The following PBX3 variants were observed in gnomAD, a reference collection of about 807,000 sequenced individuals.
PBX3 encodes PBX homeobox 3.
Under a neutral mutation model 48.5 loss-of-function variants are expected in PBX3, and 14 were observed. The observed-to-expected ratio is 0.29, with a 90% CI of 0.19 to 0.45. The LOEUF is 0.45. Ranked by LOEUF, PBX3 falls within the 20% of genes least tolerant of loss-of-function variation. The probability of loss-of-function intolerance (pLI) is 1.00; values close to 1 mark genes in which losing one functional copy is unlikely to be tolerated. For synonymous variants in PBX3, 210 were observed against 200.3 expected (o/e 1.05, Z -0.41); for missense variants, 386 against 546.7 (o/e 0.71, Z 2.93).
intron 2 of PBX3, among the ~76,000 whole-genome samples, chr9:125,817,742 T>G (rs1398192123): frequency 6.6e-6 from 1 of 152,250 alleles, no homozygotes; most frequent in African/African-American, 2.4e-5. Flanking sequence ...TTATTTTTTT[T>G]GTCCTACAAA....
At chr9:125,955,729 C>T (rs1216752010) in intron 5 of PBX3, among the ~76,000 whole-genome samples, 2 of 152,238 alleles carry the variant, frequency 1.3e-5, no homozygotes, top group Non-Finnish European at 2.9e-5. Context: ...GCTGGGATAT[C>T]TCTTCCTCCA....
At chr9:125,776,700 C>T (rs890804093) in intron 2 of PBX3, among the ~76,000 whole-genome samples, 1 of 152,084 alleles carries the variant, frequency 6.6e-6, no homozygotes, top group Non-Finnish European at 1.5e-5. Context: ...GCCACCATGC[C>T]TGGCTAATTT....
intron 3 of PBX3, among the ~76,000 whole-genome samples, chr9:125,923,185 A>G (rs180938626): frequency 1.3e-5 from 2 of 152,340 alleles, no homozygotes; most frequent in East Asian, 1.9e-4. Flanking sequence ...TTTTTCTTAT[A>G]TAAGTCTTTG....
rs574603467 is a variant in PBX3 at position 125,806,412 on chromosome 9, G to A, written c.274+57789G>A. ...TTCTTTTTCACAGTTCTGGAGGATGGGAGGTTCACGATCAAGATGCTGCCA... is the reference window on the plus strand; with the variant it reads ...TTCTTTTTCACAGTTCTGGAGGATGAGAGGTTCACGATCAAGATGCTGCCA... On this transcript the variant is annotated intron_variant, in intron 2 of 8. Transcript: ENST00000373489. Among the ~76,000 whole-genome samples the A allele has an allele frequency of 2.2e-3, 333 of 152,300 alleles. 1 individual carries two copies. The highest frequency in any genetic ancestry group is 7.6e-3 in the African/African-American group (316 of 41,560).
chr9:125,920,874 T>A (rs950132095), intron 3 of PBX3, among the ~76,000 whole-genome samples: 1 of 152,172 alleles, frequency 6.6e-6, no homozygotes, highest in African/African-American at 2.4e-5. Context: ...GGAGAATGGG[T>A]GAAAATTTAA....
intron 2 of PBX3, among the ~76,000 whole-genome samples, chr9:125,810,831 G>A (rs1188626953): frequency 1.3e-5 from 2 of 152,156 alleles, no homozygotes; most frequent in Non-Finnish European, 2.9e-5. Context: ...GGAAGAACTG[G>A]CAGAGAGATA....
intron 2 of PBX3, among the ~76,000 whole-genome samples, chr9:125,803,999 G>A (rs1838045661): frequency 2.0e-5 from 3 of 152,060 alleles, no homozygotes; most frequent in Admixed American, 2.0e-4. Context: ...CTGACTTTGG[G>A]GTCTTTATCT....
intron 2 of PBX3, among the ~76,000 whole-genome samples, chr9:125,775,868 G>T (rs534560602): frequency 6.6e-6 from 1 of 152,256 alleles, no homozygotes; most frequent in East Asian, 1.9e-4. Flanking sequence ...ATGAACATTG[G>T]ATGTCTTTAC....
chr9:125,917,908 G>A (rs767845085), intron 3 of PBX3, among the ~76,000 whole-genome samples: 30 of 152,036 alleles, frequency 2.0e-4, no homozygotes, highest in Admixed American at 3.9e-4. Flanking sequence ...AAAAATTATC[G>A]TGTGTATGTA....
At chr9:125,777,909 A>G (rs1046326863) in intron 2 of PBX3, among the ~76,000 whole-genome samples, 7 of 151,122 alleles carry the variant, frequency 4.6e-5, no homozygotes, top group Admixed American at 3.3e-4. Context: ...TATTTCTGTA[A>G]GGTTGGTGGG....
rs10543594 is a variant in PBX3 at position 125,967,088 on chromosome 9, C to CA, written c.*1181dup. On this transcript the variant is annotated 3_prime_UTR_variant, in exon 9 of 9. Coordinates refer to ENST00000373489, the MANE Select transcript of PBX3 (RefSeq NM_006195.6). ...TTCTTCATCTTATTACTAATCCATG[C>CA]AAAAAAAAAAAAAAAAGCAGCGACT... 623 of 117,400 alleles carry CA rather than the reference C, an allele frequency of 5.3e-3. 6 individuals are homozygous for CA. The highest frequency in any genetic ancestry group is 0.048 in the East Asian group (200 of 4,126). 7.3% of individuals were successfully genotyped at this position (117,400 alleles called of 1,614,324 possible).
intron 2 of PBX3, among the ~76,000 whole-genome samples, chr9:125,785,868 C>G (rs1837444006): frequency 6.6e-6 from 1 of 152,022 alleles, no homozygotes; most frequent in African/African-American, 2.4e-5. Context: ...TGCCACTAAA[C>G]CAGGTTGGGA....
intron 2 of PBX3, among the ~76,000 whole-genome samples, chr9:125,830,952 A>G (rs1838944894): frequency 6.6e-6 from 1 of 152,198 alleles, no homozygotes; most frequent in Non-Finnish European, 1.5e-5. Context: ...TATAACCACC[A>G]GTCAGCTTTA....
intron 2 of PBX3, among the ~76,000 whole-genome samples, chr9:125,889,947 G>GC (rs1259506089): frequency 1.3e-5 from 2 of 151,196 alleles, no homozygotes; most frequent in African/African-American, 4.8e-5. Context: ...CGCGCCGGCG[G>GC]CCCCGGCTGC....
chr9:125,766,699 T>G (rs7040561), intron 2 of PBX3, among the ~76,000 whole-genome samples: 1 of 152,216 alleles, frequency 6.6e-6, no homozygotes, highest in Admixed American at 6.5e-5. Context: ...TTCTTCTGTC[T>G]TAATGATTGA....
intron 2 of PBX3, among the ~76,000 whole-genome samples, chr9:125,802,305 C>G (rs1354820121): frequency 7.8e-6 from 1 of 127,398 alleles, no homozygotes; most frequent in Admixed American, 8.2e-5. Flanking sequence ...TTGTTCCCAT[C>G]TTTATGTTCA....
At chr9:125,906,108 T>C (rs1841065444) in intron 2 of PBX3, among the ~76,000 whole-genome samples, 1 of 152,038 alleles carries the variant, frequency 6.6e-6, no homozygotes, top group Admixed American at 6.6e-5. Flanking sequence ...AGTCATTAAT[T>C]AGATGCTGTA....
chr9:125,899,924 A>ATTTTCTTGATATTAGC (rs6151179), intron 2 of PBX3, among the ~76,000 whole-genome samples: 110,555 of 151,260 alleles, frequency 0.73, 40,848 homozygotes, highest in African/African-American at 0.81. Flanking sequence ...CCCCAAAAGT[A>ATTTTCTTGATATTAGC]TTTCATTTAT....
At chr9:125,866,502 A>G (rs1250010337) in intron 2 of PBX3, among the ~76,000 whole-genome samples, 1 of 152,202 alleles carries the variant, frequency 6.6e-6, no homozygotes, top group Non-Finnish European at 1.5e-5. Flanking sequence ...AAGAGAGGTA[A>G]CATTATAGAA....
Sources: gnomAD v4.1 joint callset for allele counts (sites outside exome capture counted in the v4.1 genomes callset) on GRCh38, gnomAD v4.1.1 for gene constraint, MANE v1.5 for transcripts, NCBI Gene and HGNC (gene_info 2026-07-23, HGNC 2026-07-21) for gene names.